Variants in SVOP observed in about 807,000 individuals in gnomAD.
SVOP encodes SV2 related protein.
In SVOP, 17 loss-of-function variants were observed where a neutral mutation model predicts 69.1. The observed-to-expected ratio is 0.25, with a 90% CI of 0.17 to 0.37. The LOEUF (loss-of-function observed/expected upper bound fraction) is 0.37, where lower values mean the gene tolerates loss of function less well. Among genes scored for constraint, SVOP ranks in the 10% least tolerant of loss-of-function variants. The pLI is 1.00. For missense variants in SVOP, 435 were observed against 597.5 expected (o/e 0.73, Z 2.84); for synonymous variants, 238 against 238.6 (o/e 1.00, Z 0.02).
At chr12:109,004,122 G>C (rs928545640) in intron 1 of SVOP, among the ~76,000 whole-genome samples, 4 of 151,838 alleles carry the variant, frequency 2.6e-5, no homozygotes, top group East Asian at 3.9e-4. Flanking sequence ...TTTCCTGAGG[G>C]GAAAAAAAAG....
At chr12:108,930,372 A>C (rs1424797635) in intron 11 of SVOP, among the ~76,000 whole-genome samples, 2 of 152,056 alleles carry the variant, frequency 1.3e-5, no homozygotes, top group Admixed American at 1.3e-4. Context: ...GAGATACAGA[A>C]ATTGCTGGAC....
At chr12:108,972,339 T>C in intron 5 of SVOP, 66 bp downstream of exon 5, 3 of 1,481,964 alleles carry the variant, frequency 2.0e-6, no homozygotes, top group East Asian at 2.5e-5. Flanking sequence ...ACGGGTTTGC[T>C]ACTTGTCCAG....
At chr12:108,933,142 TG>T (rs1188792124) in intron 11 of SVOP, among the ~76,000 whole-genome samples, 3 of 152,166 alleles carry the variant, frequency 2.0e-5, no homozygotes, top group Non-Finnish European at 2.9e-5. Flanking sequence ...CCTAAAGTGC[TG>T]GGACTACATG....
rs1192713520 is a variant in SVOP at position 108,997,715 on chromosome 12, A to C, written c.36-13954T>G. On this transcript the variant is annotated intron_variant, in intron 1 of 15. Coordinates refer to ENST00000610966, the MANE Select transcript of SVOP (RefSeq NM_018711.5). ...AGCAGGGGCACACTGACAACTCACA[A>C]GGCAGGGTATTCCAACAGACCTGCA... is the stretch of plus-strand genomic sequence containing the variant. 2.1e-3 allele frequency among the ~76,000 whole-genome samples: 315 copies of C among 146,814 alleles called. 5 individuals carry two copies. The Middle Eastern group carries it at 0.025, about 12-fold the overall frequency.
chr12:108,919,005 C>T (rs991218192), intron 13 of SVOP, among the ~76,000 whole-genome samples: 50 of 150,354 alleles, frequency 3.3e-4, no homozygotes, highest in African/African-American at 1.2e-3. Context: ...CTGACACCTG[C>T]ACCCCCACTT....
intron 1 of SVOP, among the ~76,000 whole-genome samples, chr12:108,985,279 G>A (rs2040160578): frequency 2.1e-5 from 3 of 143,090 alleles, no homozygotes. Flanking sequence ...GAGAGGAGAA[G>A]GAAGAAAGAA....
chr12:108,981,066 G>A (rs1188512546), intron 2 of SVOP, among the ~76,000 whole-genome samples: 3 of 152,214 alleles, frequency 2.0e-5, no homozygotes, highest in Admixed American at 2.0e-4. Flanking sequence ...TTCTCCAGAA[G>A]TGTGAGCTGG....
At chr12:109,002,788 T>C (rs1279685585) in intron 1 of SVOP, among the ~76,000 whole-genome samples, 3 of 119,504 alleles carry the variant, frequency 2.5e-5, no homozygotes, top group African/African-American at 9.6e-5. Flanking sequence ...AAGGGAAATA[T>C]CACACTCTGG....
chr12:109,020,433 A>G (rs1466632200), intron 1 of SVOP, among the ~76,000 whole-genome samples: 2 of 152,148 alleles, frequency 1.3e-5, no homozygotes, highest in Non-Finnish European at 2.9e-5. Context: ...CAGAAAAATT[A>G]TGGATTTCAC....
At chr12:109,009,657 C>T (rs1440575322) in intron 1 of SVOP, among the ~76,000 whole-genome samples, 6 of 152,168 alleles carry the variant, frequency 3.9e-5, no homozygotes, top group Non-Finnish European at 8.8e-5. Context: ...TCAAGTGATC[C>T]ACCTGCCTCA....
At chr12:109,000,023 A>G (rs1439004005) in intron 1 of SVOP, among the ~76,000 whole-genome samples, 2 of 151,656 alleles carry the variant, frequency 1.3e-5, no homozygotes, top group Non-Finnish European at 1.5e-5. Flanking sequence ...TGAATCCAGG[A>G]GCTGGTTTTT....
At chr12:108,995,189 A>G (rs915946813) in intron 1 of SVOP, among the ~76,000 whole-genome samples, 1 of 152,172 alleles carries the variant, frequency 6.6e-6, no homozygotes, top group African/African-American at 2.4e-5. Context: ...ATGTTAACAA[A>G]TTTTTAAGTT....
At position 108,918,118 on chromosome 12, in the gene SVOP, C is replaced by A; in HGVS notation, c.1275G>T (p.Val425=). Residue 425 remains valine (V), a synonymous_variant, in exon 14 of 16, where the codon GTG becomes GTT. Coordinates refer to ENST00000610966, the MANE Select transcript of SVOP (RefSeq NM_018711.5). ...LLLFICVGRN[V]LTLLLFIARA... is the part of the protein sequence containing the mutation. ...TTGCAATGAAGAGTAACAGAGTGAG[C>A]ACATTTCTAGGAGGAGGATAAAGGC... The A allele has an allele frequency of 6.4e-7, 1 of 1,566,180 alleles. No individual in the cohort carries two copies. The highest frequency in any genetic ancestry group is 2.4e-5 in the East Asian group (1 of 42,464).
intron 5 of SVOP, 113 bp downstream of exon 5, chr12:108,972,292 C>T: frequency 2.0e-6 from 2 of 993,290 alleles, no homozygotes; most frequent in Non-Finnish European, 3.0e-6. Flanking sequence ...TGTACTTCAA[C>T]ATCATCCTTA....
At chr12:108,992,625 G>C (rs528448358) in intron 1 of SVOP, among the ~76,000 whole-genome samples, 1 of 152,138 alleles carries the variant, frequency 6.6e-6, no homozygotes, top group East Asian at 1.9e-4. Context: ...AAAATATTAC[G>C]CTGAGCAAAG....
chr12:108,941,057 A>T, intron 7 of SVOP, 148 bp from the exon 8 acceptor site: 1 of 1,221,534 alleles, frequency 8.2e-7, no homozygotes, highest in Non-Finnish European at 1.1e-6. Flanking sequence ...CCTGTGGTCT[A>T]TATGGTTGGG....
chr12:108,931,439 C>G (rs965744954), intron 11 of SVOP, among the ~76,000 whole-genome samples: 32 of 152,322 alleles, frequency 2.1e-4, no homozygotes, highest in African/African-American at 7.0e-4. Flanking sequence ...GTTCCCACCT[C>G]CAGCTGCACA....
intron 11 of SVOP, among the ~76,000 whole-genome samples, chr12:108,931,793 C>G (rs1455214948): frequency 1.3e-5 from 2 of 150,932 alleles, no homozygotes; most frequent in African/African-American, 4.9e-5. Flanking sequence ...GAGATTGCGC[C>G]ACTGCACTCC....
chr12:109,017,095 G>T (rs2040371571), intron 1 of SVOP, among the ~76,000 whole-genome samples: 2 of 152,066 alleles, frequency 1.3e-5, no homozygotes, highest in Admixed American at 6.6e-5. Context: ...TAGACCAGGG[G>T]TCCCCAATCC....
Sources: allele counts gnomAD v4.1 joint callset (sites outside exome capture counted in the v4.1 genomes callset), GRCh38; gene constraint gnomAD v4.1.1; transcripts MANE v1.5; gene names NCBI Gene and HGNC (gene_info 2026-07-23, HGNC 2026-07-21).